C11orf65: variants seen among roughly 807,000 people sequenced by gnomAD.
C11orf65 encodes the protein protein MFI.
C11orf65 carries 38 observed loss-of-function variants against 35.3 expected under a neutral mutation model. The observed-to-expected ratio is 1.08, with a 90% CI of 0.83 to 1.41. The LOEUF (loss-of-function observed/expected upper bound fraction) is 1.41. Among genes scored for constraint, C11orf65 ranks in the 40% most tolerant of loss-of-function variants. The pLI is 0.00. For missense variants in C11orf65, 370 were observed against 367.1 expected, an observed-to-expected ratio of 1.01 and a Z score of -0.06; for synonymous variants, 105 against 114.4, an observed-to-expected ratio of 0.92 and a Z score of 0.53.
At chr11:108,360,634 G>A (rs2090613834) in intron 2 of C11orf65, among the ~76,000 whole-genome samples, 2 of 149,608 alleles carry the variant, frequency 1.3e-5, no homozygotes, top group South Asian at 2.2e-4. Context: ...ATTCAAGGCT[G>A]GTTCAATATA....
intron 2 of C11orf65, among the ~76,000 whole-genome samples, chr11:108,376,308 G>C (rs1591416293): frequency 1.3e-5 from 2 of 151,984 alleles, no homozygotes; most frequent in African/African-American, 2.4e-5. Context: ...AATCAAACTA[G>C]AACTCAGGAT....
In C11orf65 at chr11:108,319,829, GA is replaced by G. The variant is rs1434943886; in HGVS notation, c.641-10759del. On this transcript the variant is annotated intron_variant, in intron 6 of 6. Transcript: ENST00000525729. ...TTTGTATTTCTTACCAAAAATTCTA[GA>G]AATGCATTTTTTAGAATGGAGAAAT... 5.8e-6 allele frequency: 4 copies of G among 691,164 alleles called. No homozygotes were observed. In the African/African-American group the frequency reaches 7.3e-5, roughly 13 times the overall value. 42.8% of individuals were successfully genotyped at this position (691,164 alleles called of 1,614,324 possible).
chr11:108,339,210 A>G (rs1012323488), intron 2 of C11orf65, among the ~76,000 whole-genome samples: 3 of 152,178 alleles, frequency 2.0e-5, no homozygotes, highest in Non-Finnish European at 4.4e-5. Flanking sequence ...CATTGTTACA[A>G]AGTATACTGA....
chr11:108,310,428 A>G, intron 6 of C11orf65: 1 of 1,032,708 alleles, frequency 9.7e-7, no homozygotes, highest in South Asian at 1.7e-5. Flanking sequence ...GATATTTTAG[A>G]TAGAAATTTT....
At chr11:108,398,174 T>G (rs555049075) in intron 6 of C11orf65, among the ~76,000 whole-genome samples, 3 of 152,296 alleles carry the variant, frequency 2.0e-5, no homozygotes, top group African/African-American at 7.2e-5. Context: ...ATCAGTTTAG[T>G]GTTTATACAG....
intron 3 of C11orf65, among the ~76,000 whole-genome samples, chr11:108,419,136 G>A (rs1024046124): frequency 6.6e-6 from 1 of 152,090 alleles, no homozygotes; most frequent in Non-Finnish European, 1.5e-5. Context: ...ATTTGTTTTA[G>A]GAGGCCAGCT....
At chr11:108,422,707 C>T (rs976248338) in intron 3 of C11orf65, among the ~76,000 whole-genome samples, 15 of 151,944 alleles carry the variant, frequency 9.9e-5, no homozygotes, top group African/African-American at 3.1e-4. Flanking sequence ...CATGGTGAAA[C>T]CCCGTTTCTA....
chr11:108,368,398 C>G (rs2091443107), intron 2 of C11orf65: 1 of 207,224 alleles, frequency 4.8e-6, no homozygotes, highest in Admixed American at 5.9e-5. Context: ...AAATATTAAT[C>G]ATAGAATAGT....
chr11:108,436,112 A>T (rs80070295), intron 2 of C11orf65, among the ~76,000 whole-genome samples: 2 of 139,742 alleles, frequency 1.4e-5, no homozygotes, highest in South Asian at 4.8e-4. Context: ...TTTTAGGAGG[A>T]AAAAAAAAAA....
chr11:108,439,216 T>C (rs969944936), intron 2 of C11orf65, among the ~76,000 whole-genome samples: 2 of 152,082 alleles, frequency 1.3e-5, no homozygotes, highest in Non-Finnish European at 2.9e-5. Context: ...AAGTGGTCAA[T>C]AAGGACAAAA....
intron 2 of C11orf65, among the ~76,000 whole-genome samples, chr11:108,435,393 A>T (rs1464884647): frequency 6.6e-6 from 1 of 152,198 alleles, no homozygotes; most frequent in Non-Finnish European, 1.5e-5. Flanking sequence ...AAAATGAGCT[A>T]TTACTACCAG....
intron 6 of C11orf65, among the ~76,000 whole-genome samples, chr11:108,323,801 C>A (rs662218): frequency 0.66 from 100,936 of 152,086 alleles, 34,510 homozygotes; most frequent in African/African-American, 0.83. Flanking sequence ...TGAACTGGTG[C>A]ACAAATGCTT....
intron 6 of C11orf65, among the ~76,000 whole-genome samples, chr11:108,403,708 T>C (rs555404765): frequency 2.6e-5 from 4 of 152,364 alleles, no homozygotes; most frequent in African/African-American, 7.2e-5. Context: ...ACACTCAAGT[T>C]TCATTTTTCT....
intron 2 of C11orf65, among the ~76,000 whole-genome samples, chr11:108,435,214 G>A (rs1034416605): frequency 1.1e-4 from 16 of 152,018 alleles, no homozygotes; most frequent in Admixed American, 4.6e-4. Context: ...CAGATATAAT[G>A]GTCTTAGTTT....
chr11:108,438,870 G>A (rs1350770820), intron 2 of C11orf65, among the ~76,000 whole-genome samples: 1 of 151,960 alleles, frequency 6.6e-6, no homozygotes, highest in Non-Finnish European at 1.5e-5. Flanking sequence ...GCCAGGCATG[G>A]TGGTGGTCGC....
chr11:108,410,470 A>C (rs1443054387), intron 3 of C11orf65, among the ~76,000 whole-genome samples: 1 of 152,008 alleles, frequency 6.6e-6, no homozygotes, highest in African/African-American at 2.4e-5. Flanking sequence ...CCTTCTACCT[A>C]ACCATTCCAA....
chr11:108,421,649 C>T (rs925045883), intron 3 of C11orf65, among the ~76,000 whole-genome samples: 1 of 152,112 alleles, frequency 6.6e-6, no homozygotes, highest in African/African-American at 2.4e-5. Flanking sequence ...CAGAGCAAGA[C>T]TCCATCTCAA....
chr11:108,389,261 T>G (rs144717040), intron 7 of C11orf65, among the ~76,000 whole-genome samples: 5 of 152,216 alleles, frequency 3.3e-5, no homozygotes, highest in Non-Finnish European at 5.9e-5. Flanking sequence ...AACGGGGAAG[T>G]AGACTGTGGA....
At chr11:108,332,707 G>A (rs2086392933) in intron 3 of C11orf65, 6 of 1,569,478 alleles carry the variant, frequency 3.8e-6, no homozygotes, top group Non-Finnish European at 5.2e-6. Flanking sequence ...CTAACTCTGA[G>A]AAGTTTAAAT....
Sources: gnomAD v4.1 joint callset for allele counts (sites outside exome capture counted in the v4.1 genomes callset) on GRCh38, gnomAD v4.1.1 for gene constraint, MANE v1.5 for transcripts, NCBI Gene and HGNC (gene_info 2026-07-23, HGNC 2026-07-21) for gene names.